Variants in FBN2 observed in about 807,000 individuals in gnomAD.
The protein encoded by FBN2 is fibrillin 2, also known as fibrillin-2.
In FBN2, 105 loss-of-function variants were observed where a neutral mutation model predicts 355.6. That is an observed-to-expected ratio of 0.30 (90% CI 0.25 to 0.35). The LOEUF is 0.35. Ranked by LOEUF, FBN2 falls within the 10% of genes least tolerant of loss-of-function variation. The probability of loss-of-function intolerance (pLI) is 1.00; values close to 1 mark genes in which losing one functional copy is unlikely to be tolerated. For synonymous variants in FBN2, 1,350 were observed against 1,301.2 expected (o/e 1.04, Z -0.81); for missense variants, 3,280 against 3,758.7 (o/e 0.87, Z 3.33).
At chr5:128,263,359 G>C in intron 63 of FBN2, 66 bp downstream of exon 63, 1 of 1,192,304 alleles carries the variant, frequency 8.4e-7, no homozygotes, top group Non-Finnish European at 1.3e-6. Flanking sequence ...CCTGCAGTGG[G>C]GGGTGGCCTG....
chr5:128,380,262 A>T (rs1053933231), intron 11 of FBN2, among the ~76,000 whole-genome samples: 2 of 152,094 alleles, frequency 1.3e-5, no homozygotes, highest in Non-Finnish European at 2.9e-5. Flanking sequence ...TTCCAATATG[A>T]AATACCACCT....
intron 15 of FBN2, among the ~76,000 whole-genome samples, chr5:128,370,266 T>C (rs946979525): frequency 6.6e-6 from 1 of 152,204 alleles, no homozygotes; most frequent in Non-Finnish European, 1.5e-5. Context: ...TTAAGCAGTA[T>C]ACTGACCTGG....
chr5:128,281,618 G>C (rs2126812022), intron 55 of FBN2, among the ~76,000 whole-genome samples: 1 of 152,182 alleles, frequency 6.6e-6, no homozygotes, highest in South Asian at 2.1e-4. Context: ...CTCACCATTG[G>C]TCCACTTATA....
chr5:128,339,004 G>A lies in FBN2; in HGVS notation c.3401C>T (p.Thr1134Ile), dbSNP rs863223602. The change falls in exon 26 of 65, where the codon ACA becomes ATA. Residue 1134 changes from threonine to isoleucine, a missense_variant. Physicochemically the swap from Thr to Ile is moderately conservative, Grantham distance 89. Transcript: ENST00000262464. ...GCACTCGCACTCAAAGCTGCCCGGT[G>A]TATTGACGCAGATTCCACTGCCACA... The part of the protein sequence containing the change: ...DLCGSGICVN[T>I]PGSFECECFE... The A allele has an allele frequency of 4.3e-6, 7 of 1,613,826 alleles. No homozygotes were observed. The highest frequency in any genetic ancestry group is 5.1e-6 in the Non-Finnish European group (6 of 1,179,812).
intron 8 of FBN2, among the ~76,000 whole-genome samples, chr5:128,397,653 T>A (rs1752683035): frequency 6.6e-6 from 1 of 152,236 alleles, no homozygotes; most frequent in Admixed American, 6.5e-5. Flanking sequence ...TAAAATATCC[T>A]GGATAAAATG....
At chr5:128,268,612 T>C (rs565010694) in intron 62 of FBN2, among the ~76,000 whole-genome samples, 1 of 152,180 alleles carries the variant, frequency 6.6e-6, no homozygotes, top group Non-Finnish European at 1.5e-5. Flanking sequence ...CGAACATCGA[T>C]GCGAAAATCC....
intron 5 of FBN2, among the ~76,000 whole-genome samples, chr5:128,478,131 T>C (rs1755054084): frequency 6.6e-6 from 1 of 152,212 alleles, no homozygotes; most frequent in African/African-American, 2.4e-5. Context: ...CTTATCGGCA[T>C]TTAGCTTCTC....
At chr5:128,425,710 A>T (rs1464127402) in intron 7 of FBN2, among the ~76,000 whole-genome samples, 1 of 152,188 alleles carries the variant, frequency 6.6e-6, no homozygotes, top group African/African-American at 2.4e-5. Context: ...ACATTCCACT[A>T]TAGAATTATC....
rs527943044 is a variant in FBN2 at position 128,363,868 on chromosome 5, A to C, written c.2428+732T>G. On this transcript the variant is annotated intron_variant, in intron 18 of 64. Transcript: ENST00000262464. ...ATGTCTTCAACTCCAAATCAAACGA[A>C]TATGTTCAATAGTAAAAGCCACTAC... Among the ~76,000 whole-genome samples, 222 of 152,352 alleles carry C rather than the reference A, an allele frequency of 1.5e-3. 1 individual carries two copies. Among genetic ancestry groups the C allele is most frequent in the Middle Eastern group, 3.4e-3 (1 of 294 alleles).
chr5:128,389,774 T>C (rs331069), intron 11 of FBN2, among the ~76,000 whole-genome samples: 59,995 of 152,030 alleles, frequency 0.39, 12,709 homozygotes, highest in Admixed American at 0.49. Flanking sequence ...ACTCCTCAAC[T>C]ATTTAATTCA....
At chr5:128,338,768 T>C (rs532917989) in intron 26 of FBN2, among the ~76,000 whole-genome samples, 165 bp downstream of exon 26, 7 of 152,322 alleles carry the variant, frequency 4.6e-5, no homozygotes, top group Admixed American at 3.9e-4. Flanking sequence ...CCGAGAGCTA[T>C]CCAGGAGCGC....
rs1263059454 is a variant in FBN2 at position 128,335,266 on chromosome 5, T to A, written c.3877A>T (p.Ile1293Phe). ...TTGGTACACTGGCCGCCATCACAGA[T>A]ATCAGGATTGTTTTCACATTCATCA... is the stretch of plus-strand genomic sequence containing the variant. ...DIDECENNPD[I>F]CDGGQCTNIP... The change falls in exon 30 of 65, where the codon ATC (isoleucine) becomes TTC (phenylalanine). Residue 1293 changes from isoleucine to phenylalanine, a missense_variant. Coordinates refer to ENST00000262464, the MANE Select transcript of FBN2 (RefSeq NM_001999.4). 1.9e-6 allele frequency: 3 copies of A among 1,614,060 alleles called. No individual in the cohort carries two copies. The highest frequency in any genetic ancestry group is 1.3e-5 in the African/African-American group (1 of 74,934).
chr5:128,271,317 C>T (rs1246155832), intron 62 of FBN2, among the ~76,000 whole-genome samples: 16 of 152,096 alleles, frequency 1.1e-4, no homozygotes, highest in East Asian at 3.9e-4. Context: ...GTCTGTGAAG[C>T]GCATTCAAAA....
intron 5 of FBN2, among the ~76,000 whole-genome samples, chr5:128,516,804 C>T (rs1756292746): frequency 1.3e-5 from 2 of 152,138 alleles, no homozygotes; most frequent in African/African-American, 4.8e-5. Context: ...TTTGCATCCA[C>T]ACAGACACAA....
intron 62 of FBN2, among the ~76,000 whole-genome samples, chr5:128,270,776 A>G (rs1389894590): frequency 1.3e-5 from 2 of 152,234 alleles, no homozygotes; most frequent in Non-Finnish European, 2.9e-5. Flanking sequence ...CTGATATTCT[A>G]AAGAGTGTGC....
chr5:128,287,449 A>G lies in FBN2; in HGVS notation c.6758-19T>C. Reference sequence around the variant, plus strand: ...TTGATATCTGACCAAAGGAATGGACAGGAATGTGCTCAGCCTAGAGTTCTA... The same window carrying G: ...TTGATATCTGACCAAAGGAATGGACGGGAATGTGCTCAGCCTAGAGTTCTA... On this transcript the variant is annotated intron_variant, in intron 53 of 64. Coordinates refer to ENST00000262464, the MANE Select transcript of FBN2 (RefSeq NM_001999.4). 2 of 1,613,482 alleles carry G rather than the reference A, an allele frequency of 1.2e-6. No homozygotes were observed. The highest frequency in any genetic ancestry group is 1.1e-5 in the South Asian group (1 of 91,064).
At chr5:128,374,604 GC>G (rs1467699461) in intron 15 of FBN2, 23 bp downstream of exon 15, 3 of 1,613,526 alleles carry the variant, frequency 1.9e-6, no homozygotes, top group Non-Finnish European at 2.5e-6. Flanking sequence ...GCACAGTGGG[GC>G]CATTATAAAA....
intron 34 of FBN2, among the ~76,000 whole-genome samples, chr5:128,320,945 C>T (rs577581026): frequency 6.6e-6 from 1 of 152,138 alleles, no homozygotes; most frequent in East Asian, 1.9e-4. Flanking sequence ...CTTCCAACTC[C>T]TTATTTTTAT....
At chr5:128,493,308 C>CA (rs1436094628) in intron 5 of FBN2, among the ~76,000 whole-genome samples, 12 of 151,982 alleles carry the variant, frequency 7.9e-5, no homozygotes, top group Non-Finnish European at 1.5e-4. Context: ...TGGGAAAAAA[C>CA]AAAAAATCAG....
Sources: allele counts gnomAD v4.1 joint callset (sites outside exome capture counted in the v4.1 genomes callset), GRCh38; gene constraint gnomAD v4.1.1; transcripts MANE v1.5; gene names NCBI Gene and HGNC (gene_info 2026-07-23, HGNC 2026-07-21).